SSBP2: variants seen among roughly 807,000 people sequenced by gnomAD.
SSBP2 encodes single stranded DNA binding protein 2.
Under a neutral mutation model 61.8 loss-of-function variants are expected in SSBP2, and 17 were observed. That is an observed-to-expected ratio of 0.28 (90% CI 0.19 to 0.41). SSBP2 has a LOEUF of 0.41. Ranked by LOEUF, SSBP2 falls within the 10% of genes least tolerant of loss-of-function variation. SSBP2 has a pLI of 1.00. For synonymous variants in SSBP2, 139 were observed against 141.3 expected, an observed-to-expected ratio of 0.98 and a Z score of 0.12; for missense variants, 310 against 458.7, an observed-to-expected ratio of 0.68 and a Z score of 2.96.
chr5:81,572,408 A>C (rs1773905382), intron 4 of SSBP2, among the ~76,000 whole-genome samples: 1 of 152,180 alleles, frequency 6.6e-6, no homozygotes, highest in Non-Finnish European at 1.5e-5. Flanking sequence ...GAACTACATC[A>C]TGGAAAGGCA....
chr5:81,638,622 A>C (rs963800940), intron 2 of SSBP2, among the ~76,000 whole-genome samples: 1 of 152,052 alleles, frequency 6.6e-6, no homozygotes, highest in African/African-American at 2.4e-5. Flanking sequence ...ATCCCTGTAA[A>C]AACTTTATTA....
chr5:81,432,516 C>A (rs940190568), intron 15 of SSBP2, among the ~76,000 whole-genome samples: 2 of 152,032 alleles, frequency 1.3e-5, no homozygotes, highest in African/African-American at 4.8e-5. Flanking sequence ...GAAGGCACAG[C>A]CAGGCAGATC....
intron 1 of SSBP2, among the ~76,000 whole-genome samples, chr5:81,650,578 T>C (rs1194926222): frequency 1.3e-5 from 2 of 152,092 alleles, no homozygotes; most frequent in African/African-American, 2.4e-5. Flanking sequence ...AAGAAATATA[T>C]AGAGATTTTT....
chr5:81,503,751 T>C (rs1014659676), intron 5 of SSBP2, among the ~76,000 whole-genome samples: 3 of 152,222 alleles, frequency 2.0e-5, no homozygotes, highest in African/African-American at 7.2e-5. Context: ...TAATGACAGA[T>C]TGGATAAAGA....
At chr5:81,641,393 A>AT (rs1748772012) in intron 2 of SSBP2, among the ~76,000 whole-genome samples, 1 of 152,288 alleles carries the variant, frequency 6.6e-6, no homozygotes, top group East Asian at 1.9e-4. Flanking sequence ...TGCTCACAAT[A>AT]TTTTTTACTA....
At chr5:81,546,548 T>C (rs1339898972) in intron 4 of SSBP2, among the ~76,000 whole-genome samples, 1 of 152,172 alleles carries the variant, frequency 6.6e-6, no homozygotes, top group Non-Finnish European at 1.5e-5. Flanking sequence ...ATTTAGTCTT[T>C]TTAAGGCTTG....
At chr5:81,673,258 G>C (rs891062394) in intron 1 of SSBP2, among the ~76,000 whole-genome samples, 1 of 152,104 alleles carries the variant, frequency 6.6e-6, no homozygotes, top group African/African-American at 2.4e-5. Flanking sequence ...AAAATAATCA[G>C]ACTAACTCTT....
chr5:81,510,525 G>A (rs1396779997), intron 5 of SSBP2, among the ~76,000 whole-genome samples: 1 of 152,154 alleles, frequency 6.6e-6, no homozygotes, highest in Non-Finnish European at 1.5e-5. Flanking sequence ...CACTTTGGGA[G>A]GCCAAGGCGG....
At chr5:81,609,082 T>C (rs1036212244) in intron 4 of SSBP2, among the ~76,000 whole-genome samples, 26 of 152,148 alleles carry the variant, frequency 1.7e-4, no homozygotes, top group African/African-American at 4.8e-4. Flanking sequence ...ACCTCTATGA[T>C]TGGGTGTTCT....
chr5:81,484,281 G>C (rs907959359), intron 6 of SSBP2, among the ~76,000 whole-genome samples: 2 of 152,074 alleles, frequency 1.3e-5, no homozygotes, highest in African/African-American at 4.8e-5. Context: ...CAAAAGAAGT[G>C]AACATTGTAT....
intron 1 of SSBP2, among the ~76,000 whole-genome samples, chr5:81,672,533 C>A (rs1019996061): frequency 6.6e-6 from 1 of 151,276 alleles, no homozygotes; most frequent in Non-Finnish European, 1.5e-5. Context: ...AGATTAAACA[C>A]GACATATGCT....
chr5:81,566,376 G>T (rs1561546314), intron 4 of SSBP2, among the ~76,000 whole-genome samples: 1 of 152,172 alleles, frequency 6.6e-6, no homozygotes. Flanking sequence ...TTGTGGTAGT[G>T]AATAAGTCTC....
rs984036723 is a variant in SSBP2 at position 81,415,336 on chromosome 5, C to T, written c.*5168G>A. 2 of 152,186 alleles carry T rather than the reference C, an allele frequency of 1.3e-5. No homozygotes were observed. Among genetic ancestry groups the T allele is most frequent in the Non-Finnish European group, 2.9e-5 (2 of 68,032 alleles). 9.4% of individuals were successfully genotyped at this position (152,186 alleles called of 1,614,324 possible). Reference sequence around the variant, plus strand: ...CCAGGACCTCTGCAGATACCAAAATCCACAGACGCTTAAGTCCTTTATATA... The same window carrying T: ...CCAGGACCTCTGCAGATACCAAAATTCACAGACGCTTAAGTCCTTTATATA... On this transcript the variant is annotated 3_prime_UTR_variant, in exon 17 of 17. Coordinates refer to ENST00000320672, the MANE Select transcript of SSBP2 (RefSeq NM_012446.5).
At chr5:81,508,695 A>T (rs987251594) in intron 5 of SSBP2, among the ~76,000 whole-genome samples, 7 of 152,144 alleles carry the variant, frequency 4.6e-5, no homozygotes, top group African/African-American at 1.4e-4. Context: ...TGATCATTCC[A>T]CTTGGTAATG....
chr5:81,712,867 G>T (rs1754893657), intron 1 of SSBP2, among the ~76,000 whole-genome samples: 1 of 151,900 alleles, frequency 6.6e-6, no homozygotes, highest in East Asian at 1.9e-4. Flanking sequence ...GGGACTACAG[G>T]TATGCGCCAT....
chr5:81,547,940 G>T (rs1382094296), intron 4 of SSBP2, among the ~76,000 whole-genome samples: 1 of 152,116 alleles, frequency 6.6e-6, no homozygotes, highest in Non-Finnish European at 1.5e-5. Context: ...AGGACACAAG[G>T]ATTTTTAGGG....
chr5:81,499,553 T>C (rs1767544240), intron 5 of SSBP2, among the ~76,000 whole-genome samples: 1 of 152,192 alleles, frequency 6.6e-6, no homozygotes, highest in Non-Finnish European at 1.5e-5. Flanking sequence ...TTTAAATCCA[T>C]TTATATTCAG....
At chr5:81,747,431 A>G (rs1757428438) in intron 1 of SSBP2, among the ~76,000 whole-genome samples, 1 of 152,072 alleles carries the variant, frequency 6.6e-6, no homozygotes, top group African/African-American at 2.4e-5. Flanking sequence ...TGTCTTGTAG[A>G]TTTGTTGGGA....
intron 2 of SSBP2, among the ~76,000 whole-genome samples, chr5:81,646,109 C>T (rs1326275998): frequency 1.3e-5 from 2 of 152,100 alleles, no homozygotes; most frequent in African/African-American, 4.8e-5. Context: ...TCAGATAATG[C>T]CTGGAGTTCC....
Sources: allele counts gnomAD v4.1 joint callset (sites outside exome capture counted in the v4.1 genomes callset), GRCh38; gene constraint gnomAD v4.1.1; transcripts MANE v1.5; gene names NCBI Gene and HGNC (gene_info 2026-07-23, HGNC 2026-07-21).